ZNRF2: variants seen among roughly 807,000 people sequenced by gnomAD.
ZNRF2 encodes the protein zinc and ring finger 2, also known as E3 ubiquitin-protein ligase ZNRF2.
ZNRF2 carries 16 observed loss-of-function variants against 20.4 expected under a neutral mutation model. The observed-to-expected ratio is 0.79, with a 90% CI of 0.53 to 1.19. ZNRF2 has a LOEUF of 1.19. ZNRF2 is among the 50% of genes most tolerant of loss of function. The probability of loss-of-function intolerance (pLI) is 0.00; values close to 1 mark genes in which losing one functional copy is unlikely to be tolerated. For synonymous variants in ZNRF2, 178 were observed against 144.9 expected, an observed-to-expected ratio of 1.23 and a Z score of -1.64; for missense variants, 363 against 332.4, an observed-to-expected ratio of 1.09 and a Z score of -0.72.
chr7:30,346,981 A>G (rs77579164), intron 2 of ZNRF2, among the ~76,000 whole-genome samples: 6,092 of 152,220 alleles, frequency 0.04, 397 homozygotes, highest in African/African-American at 0.14. Context: ...CTGAAATATT[A>G]AATTGAAAAA....
chr7:30,323,128 G>A (rs1799501135), intron 1 of ZNRF2, among the ~76,000 whole-genome samples: 1 of 152,160 alleles, frequency 6.6e-6, no homozygotes, highest in South Asian at 2.1e-4. Context: ...AGGAGTCTTA[G>A]ATTCTAGACC....
rs752485166 is a variant in ZNRF2, at chr7:30,285,847, A to C, written c.469+21A>C. 2.7e-6 allele frequency: 4 copies of C among 1,462,594 alleles called. No individual in the cohort carries two copies. The South Asian group carries it at 5.7e-5, about 21-fold the overall frequency. 90.6% of individuals were successfully genotyped at this position (1,462,594 alleles called of 1,614,324 possible). ...TGGAGGTACGGACCCCTCTCCGCGC[A>C]CCCGCGCTCGGTCCTCCCGCGGCTG... On this transcript the variant is annotated intron_variant, in intron 1 of 4. Coordinates refer to ENST00000323037, the MANE Select transcript of ZNRF2 (RefSeq NM_147128.4).
At chr7:30,310,980 A>T (rs180965501) in intron 1 of ZNRF2, among the ~76,000 whole-genome samples, 1 of 152,204 alleles carries the variant, frequency 6.6e-6, no homozygotes, top group East Asian at 1.9e-4. Context: ...TAGTGGGAGG[A>T]TGCTAACTGA....
intron 2 of ZNRF2, among the ~76,000 whole-genome samples, chr7:30,346,799 G>A (rs1291172980): frequency 6.6e-6 from 1 of 151,692 alleles, no homozygotes; most frequent in Non-Finnish European, 1.5e-5. Context: ...TTCTTTGATT[G>A]TTTTTTGTTT....
At chr7:30,352,504 A>G (rs1244017823) in intron 2 of ZNRF2, among the ~76,000 whole-genome samples, 1 of 152,082 alleles carries the variant, frequency 6.6e-6, no homozygotes, top group African/African-American at 2.4e-5. Flanking sequence ...CATTAAACTG[A>G]TAAGCAATGC....
At chr7:30,319,482 A>G (rs1799433811) in intron 1 of ZNRF2, among the ~76,000 whole-genome samples, 1 of 152,166 alleles carries the variant, frequency 6.6e-6, no homozygotes, top group African/African-American at 2.4e-5. Flanking sequence ...GTCTGTATGT[A>G]ATAGAAACAG....
At chr7:30,333,811 A>T (rs960909370) in intron 2 of ZNRF2, among the ~76,000 whole-genome samples, 1 of 152,088 alleles carries the variant, frequency 6.6e-6, no homozygotes, top group African/African-American at 2.4e-5. Context: ...ATCTTTTGAG[A>T]AGTATCTGTT....
At chr7:30,344,896 T>G (rs1248322932) in intron 2 of ZNRF2, among the ~76,000 whole-genome samples, 1 of 152,212 alleles carries the variant, frequency 6.6e-6, no homozygotes, top group Non-Finnish European at 1.5e-5. Context: ...TGAGGACATT[T>G]TAAGCATTCT....
At chr7:30,300,363 G>T (rs539599310) in intron 1 of ZNRF2, among the ~76,000 whole-genome samples, 2 of 151,816 alleles carry the variant, frequency 1.3e-5, no homozygotes, top group Admixed American at 6.6e-5. Context: ...TGGCCAGGAT[G>T]GTCTTGGTCT....
At chr7:30,329,304 C>T (rs1473495867) in intron 2 of ZNRF2, among the ~76,000 whole-genome samples, 2 of 152,132 alleles carry the variant, frequency 1.3e-5, no homozygotes, top group Non-Finnish European at 2.9e-5. Context: ...ACCAGTTCTG[C>T]TTTTCTAGTT....
intron 2 of ZNRF2, among the ~76,000 whole-genome samples, chr7:30,352,672 G>A (rs1315623969): frequency 1.3e-5 from 2 of 152,022 alleles, no homozygotes; most frequent in Admixed American, 6.6e-5. Context: ...AGTTAAATCT[G>A]TGAGTGTTCC....
intron 1 of ZNRF2, 36 bp downstream of exon 1, chr7:30,285,862 TC>T (rs748271752): frequency 4.9e-6 from 7 of 1,425,222 alleles, no homozygotes; most frequent in Non-Finnish European, 5.5e-6. Context: ...CGCTCGGTCC[TC>T]CCGCGGCTGC....
intron 3 of ZNRF2, among the ~76,000 whole-genome samples, chr7:30,360,997 T>C (rs1021776883): frequency 2.0e-5 from 3 of 152,162 alleles, no homozygotes; most frequent in African/African-American, 7.2e-5. Context: ...ATGGAACATA[T>C]GTAGATTGAC....
At chr7:30,333,642 A>T (rs2127949851) in intron 2 of ZNRF2, among the ~76,000 whole-genome samples, 1 of 152,202 alleles carries the variant, frequency 6.6e-6, no homozygotes, top group East Asian at 1.9e-4. Context: ...TGTTGGGATT[A>T]CAGGCATTAG....
At chr7:30,311,656 G>T (rs1031218507) in intron 1 of ZNRF2, among the ~76,000 whole-genome samples, 11 of 152,170 alleles carry the variant, frequency 7.2e-5, no homozygotes, top group African/African-American at 2.7e-4. Flanking sequence ...CATGCTACCT[G>T]CTAAGCTTGA....
intron 1 of ZNRF2, among the ~76,000 whole-genome samples, chr7:30,308,060 C>A (rs1562607838): frequency 6.6e-6 from 1 of 152,052 alleles, no homozygotes; most frequent in African/African-American, 2.4e-5. Flanking sequence ...CCCTTTTTTC[C>A]TCTTAGAATA....
intron 1 of ZNRF2, among the ~76,000 whole-genome samples, chr7:30,286,170 A>G (rs1472037914): frequency 7.2e-5 from 11 of 152,222 alleles, no homozygotes; most frequent in African/African-American, 2.7e-4. Flanking sequence ...TTTTAGTACC[A>G]GGAAGTCAGG....
chr7:30,288,411 C>A (rs1174048328), intron 1 of ZNRF2, among the ~76,000 whole-genome samples: 1 of 152,138 alleles, frequency 6.6e-6, no homozygotes, highest in Non-Finnish European at 1.5e-5. Flanking sequence ...CAAAATTATT[C>A]TCTTGTGAGC....
chr7:30,353,224 G>C (rs138645699), intron 2 of ZNRF2, among the ~76,000 whole-genome samples: 1 of 152,210 alleles, frequency 6.6e-6, no homozygotes, highest in East Asian at 1.9e-4. Flanking sequence ...AAATGCAACT[G>C]ATCAGTGGCT....
Sources: gnomAD v4.1 joint callset for allele counts (sites outside exome capture counted in the v4.1 genomes callset) on GRCh38, gnomAD v4.1.1 for gene constraint, MANE v1.5 for transcripts, NCBI Gene and HGNC (gene_info 2026-07-23, HGNC 2026-07-21) for gene names.